HSD17B4: variants seen among roughly 807,000 people sequenced by gnomAD.
HSD17B4 encodes hydroxysteroid 17-beta dehydrogenase 4.
Under a neutral mutation model 101.0 loss-of-function variants are expected in HSD17B4, and 70 were observed. The ratio of observed to expected loss-of-function variants is 0.69; its 90% CI spans 0.57 to 0.85. HSD17B4 has a LOEUF of 0.85. Ranked by LOEUF, HSD17B4 falls within the 40% of genes least tolerant of loss-of-function variation. The pLI is 0.00. For missense variants in HSD17B4, 984 were observed against 892.4 expected (o/e 1.10, Z -1.31); for synonymous variants, 347 against 297.1 (o/e 1.17, Z -1.73).
rs1035107410 is a variant in HSD17B4, at chr5:119,523,818, G to C, written c.1504-1398G>C. On this transcript the variant is annotated intron_variant, in intron 17 of 23. Transcript: ENST00000510025. ...CCACCTTTTTCCAACTACTCTGTGAGAGTAAGTTCTGTTAGCCTCTAAATG... is the reference window on the plus strand; with the variant it reads ...CCACCTTTTTCCAACTACTCTGTGACAGTAAGTTCTGTTAGCCTCTAAATG... Among the ~76,000 whole-genome samples the C allele has an allele frequency of 8.5e-5, 13 of 152,094 alleles. No individual in the cohort carries two copies. In the East Asian group the frequency reaches 2.5e-3, roughly 29 times the overall value.
intron 23 of HSD17B4, among the ~76,000 whole-genome samples, chr5:119,540,202 A>G (rs952875446): frequency 6.6e-6 from 1 of 152,156 alleles, no homozygotes; most frequent in African/African-American, 2.4e-5. Context: ...GCCAAACCAT[A>G]TACCTAACAG....
chr5:119,476,782 T>C (rs1469504533), intron 6 of HSD17B4: 19 of 819,182 alleles, frequency 2.3e-5, no homozygotes, highest in Admixed American at 6.2e-5. Flanking sequence ...CCCTTCTCCC[T>C]CTCTTTCTTT....
chr5:119,491,582 A>G (rs1341562333), intron 9 of HSD17B4, among the ~76,000 whole-genome samples: 2 of 151,534 alleles, frequency 1.3e-5, no homozygotes, highest in Admixed American at 6.6e-5. Flanking sequence ...CTGCATAAAG[A>G]TGTTTCATTA....
At chr5:119,470,487 TC>T (rs1005061176) in intron 2 of HSD17B4, among the ~76,000 whole-genome samples, 2 of 152,198 alleles carry the variant, frequency 1.3e-5, no homozygotes, top group African/African-American at 4.8e-5. Flanking sequence ...CTGTGTATAC[TC>T]CAGGCAGGTT....
At chr5:119,466,320 A>G (rs1755807053) in intron 2 of HSD17B4, among the ~76,000 whole-genome samples, 1 of 152,192 alleles carries the variant, frequency 6.6e-6, no homozygotes, top group Non-Finnish European at 1.5e-5. Flanking sequence ...CCCACCTCAT[A>G]GAATGAGTTT....
In HSD17B4 at chr5:119,475,733, T is replaced by C; in HGVS notation, c.302+6T>C. 6.3e-7 allele frequency: 1 copy of C among 1,596,068 alleles called. No homozygotes were observed. The highest frequency in any genetic ancestry group is 8.6e-7 in the Non-Finnish European group (1 of 1,164,978). On this transcript the variant is annotated splice_donor_region_variant and intron_variant, in intron 5 of 23. Coordinates refer to ENST00000510025, the MANE Select transcript of HSD17B4 (RefSeq NM_000414.4). Reference sequence around the variant, plus strand: ...GTTGTGGTCAACAATGCTGGGTGAGTATTTCTTTTTCATTTTTAGTGATGT... The same window carrying C: ...GTTGTGGTCAACAATGCTGGGTGAGCATTTCTTTTTCATTTTTAGTGATGT...
intron 2 of HSD17B4, among the ~76,000 whole-genome samples, chr5:119,465,183 A>G (rs932816350): frequency 2.0e-5 from 3 of 152,076 alleles, no homozygotes; most frequent in South Asian, 2.1e-4. Context: ...AATTCTTCCA[A>G]TCCATGAATG....
chr5:119,525,552 C>T (rs1044826326), intron 18 of HSD17B4, among the ~76,000 whole-genome samples: 5 of 152,148 alleles, frequency 3.3e-5, no homozygotes, highest in East Asian at 1.9e-4. Context: ...TGAGTTATCA[C>T]AAAGGACAAG....
At chr5:119,484,747 A>G (rs1749460702) in intron 8 of HSD17B4, among the ~76,000 whole-genome samples, 1 of 152,208 alleles carries the variant, frequency 6.6e-6, no homozygotes, top group African/African-American at 2.4e-5. Context: ...TTGTAATACT[A>G]CAGCAGTACT....
chr5:119,531,599 G>T (rs947583756), intron 22 of HSD17B4, among the ~76,000 whole-genome samples, 195 bp downstream of exon 22: 5 of 144,442 alleles, frequency 3.5e-5, no homozygotes, highest in East Asian at 1.9e-4. Flanking sequence ...GTGTGTGTTT[G>T]TGTGTGTGTG....
chr5:119,464,889 C>T lies in HSD17B4; in HGVS notation c.112+8521C>T, dbSNP rs141182802. Among the ~76,000 whole-genome samples, 642 of 152,288 alleles carry T rather than the reference C, an allele frequency of 4.2e-3. 3 individuals carry two copies. Among genetic ancestry groups the T allele is most frequent in the Middle Eastern group, 0.01 (3 of 294 alleles). Reference sequence around the variant, plus strand: ...GATTATAGGCGTGAGCCACCGCGCCCGGCCTTTGGTAGCTCTAGCTTTATA... The same window carrying T: ...GATTATAGGCGTGAGCCACCGCGCCTGGCCTTTGGTAGCTCTAGCTTTATA... On this transcript the variant is annotated intron_variant, in intron 2 of 23. Transcript: ENST00000510025.
chr5:119,510,074 C>T (rs1490261898), intron 16 of HSD17B4, among the ~76,000 whole-genome samples: 1 of 152,170 alleles, frequency 6.6e-6, no homozygotes, highest in Non-Finnish European at 1.5e-5. Flanking sequence ...AATCTTATAG[C>T]ATAGAGACTT....
At chr5:119,494,082 A>G in intron 11 of HSD17B4, 136 bp downstream of exon 11, 1 of 810,748 alleles carries the variant, frequency 1.2e-6, no homozygotes, top group Non-Finnish European at 2.1e-6. Flanking sequence ...TTTCTGCTCT[A>G]GTAGGTATTA....
At chr5:119,523,309 ATTTTTC>A (rs1162975295) in intron 17 of HSD17B4, among the ~76,000 whole-genome samples, 2 of 151,742 alleles carry the variant, frequency 1.3e-5, no homozygotes, top group African/African-American at 2.4e-5. Flanking sequence ...ATATATAGCT[ATTTTTC>A]TTTTTCTTAT....
At chr5:119,502,429 G>A (rs1445562332) in intron 14 of HSD17B4, among the ~76,000 whole-genome samples, 4 of 151,700 alleles carry the variant, frequency 2.6e-5, no homozygotes, top group African/African-American at 9.7e-5. Flanking sequence ...TCTTTTCTCA[G>A]GTATTTATCT....
intron 14 of HSD17B4, 28 bp downstream of exon 14, chr5:119,502,120 A>G (rs1751224896): frequency 7.3e-7 from 1 of 1,376,178 alleles, no homozygotes; most frequent in Non-Finnish European, 1.0e-6. Flanking sequence ...TAATTCCATA[A>G]TACCATACTT....
At chr5:119,539,515 A>G (rs1020517271) in intron 23 of HSD17B4, among the ~76,000 whole-genome samples, 4 of 152,036 alleles carry the variant, frequency 2.6e-5, no homozygotes, top group East Asian at 1.9e-4. Context: ...GCACACCAAC[A>G]TGGCACATGT....
intron 15 of HSD17B4, 82 bp downstream of exon 15, chr5:119,506,971 A>C (rs1580646196): frequency 4.2e-6 from 3 of 709,862 alleles, no homozygotes; most frequent in Non-Finnish European, 7.4e-6. Flanking sequence ...ATAGAAGTTG[A>C]TTAATAAGTT....
At chr5:119,466,486 CT>C (rs1207256960) in intron 2 of HSD17B4, among the ~76,000 whole-genome samples, 1 of 152,032 alleles carries the variant, frequency 6.6e-6, no homozygotes, top group East Asian at 1.9e-4. Flanking sequence ...CAATCTTGTT[CT>C]TTGTTATTGA....
Sources: allele counts gnomAD v4.1 joint callset (sites outside exome capture counted in the v4.1 genomes callset), GRCh38; gene constraint gnomAD v4.1.1; transcripts MANE v1.5; gene names NCBI Gene and HGNC (gene_info 2026-07-23, HGNC 2026-07-21).